Variants in LRFN5 observed in about 807,000 individuals in gnomAD.
LRFN5 encodes the protein leucine-rich repeat and fibronectin type-III domain-containing protein 5.
In LRFN5, 24 loss-of-function variants were observed where a neutral mutation model predicts 45.6. That is an observed-to-expected ratio of 0.53 (90% confidence interval 0.38 to 0.74). The LOEUF (loss-of-function observed/expected upper bound fraction) is 0.74, where lower values mean the gene tolerates loss of function less well. Ranked by LOEUF, LRFN5 falls within the 30% of genes least tolerant of loss-of-function variation. The pLI, the probability that LRFN5 is intolerant of heterozygous loss-of-function variation, is 0.00. For missense variants in LRFN5, 776 were observed against 861.5 expected, an observed-to-expected ratio of 0.90 and a Z score of 1.24; for synonymous variants, 340 against 313.8, an observed-to-expected ratio of 1.08 and a Z score of -0.88.
chr14:41,686,786 A>C (rs1882143462), intron 1 of LRFN5, among the ~76,000 whole-genome samples: 1 of 152,174 alleles, frequency 6.6e-6, no homozygotes, highest in Non-Finnish European at 1.5e-5. Flanking sequence ...ATGTTGAAGC[A>C]GTCTTGCATC....
intron 1 of LRFN5, among the ~76,000 whole-genome samples, chr14:41,652,001 T>A (rs943939800): frequency 3.9e-5 from 6 of 152,074 alleles, no homozygotes; most frequent in Non-Finnish European, 8.8e-5. Context: ...TTCTAGTGAC[T>A]TCATTTTAAA....
chr14:41,734,817 T>C (rs908842397), intron 1 of LRFN5, among the ~76,000 whole-genome samples: 4 of 152,006 alleles, frequency 2.6e-5, no homozygotes, highest in Non-Finnish European at 4.4e-5. Flanking sequence ...CTTTTGTGTA[T>C]CTAGTAAGGG....
intron 1 of LRFN5, among the ~76,000 whole-genome samples, chr14:41,734,315 T>C (rs1310714149): frequency 1.2e-5 from 1 of 84,394 alleles, no homozygotes; most frequent in East Asian, 4.0e-4. Context: ...CTGGACTGGT[T>C]TTATATATAT....
intron 1 of LRFN5, among the ~76,000 whole-genome samples, chr14:41,716,658 G>A (rs1883506860): frequency 6.6e-6 from 1 of 152,072 alleles, no homozygotes; most frequent in Non-Finnish European, 1.5e-5. Context: ...TTTGGGCAAA[G>A]CCATTCAACA....
rs555148652 is a variant in LRFN5, at chr14:41,748,036, C to T, written c.-196-18818C>T. 1.4e-4 allele frequency among the ~76,000 whole-genome samples: 22 copies of T among 152,010 alleles called. No individual in the cohort carries two copies. The East Asian group carries it at 3.9e-3, about 27-fold the overall frequency. ...AAGAAGACTTGGAGAAGATGTGAAG[C>T]GATTTAAACCTTTCTACGCTCTTGA... is the stretch of plus-strand genomic sequence containing the variant. On this transcript the variant is annotated intron_variant, in intron 1 of 5. Transcript: ENST00000298119.
chr14:41,671,617 G>GTTTTTTTTTTTTGTTTTTTTTTT (rs1881226105), intron 1 of LRFN5, among the ~76,000 whole-genome samples: 1 of 78,018 alleles, frequency 1.3e-5, no homozygotes, highest in African/African-American at 5.4e-5. Context: ...TTTTTTTTTC[G>GTTTTTTTTTTTTGTTTTTTTTTT]TTTTTTTTTT....
At chr14:41,762,334 A>G (rs1885706728) in intron 1 of LRFN5, among the ~76,000 whole-genome samples, 1 of 152,132 alleles carries the variant, frequency 6.6e-6, no homozygotes, top group Non-Finnish European at 1.5e-5. Flanking sequence ...CTCGTTTACA[A>G]TGTGACATTT....
In LRFN5 at chr14:41,647,526, A is replaced by G. The variant is rs192034075; in HGVS notation, c.-197+38964A>G. 1.8e-3 allele frequency among the ~76,000 whole-genome samples: 279 copies of G among 152,302 alleles called. 2 individuals are homozygous for G. The highest frequency in any genetic ancestry group is 6.3e-3 in the African/African-American group (260 of 41,572). ...TATGAAGAAGCCATGTAGAAGTACA[A>G]TCTACAAGCATTGGTAACTGAAGGG... On this transcript the variant is annotated intron_variant, in intron 1 of 5. Transcript: ENST00000298119.
intron 2 of LRFN5, among the ~76,000 whole-genome samples, chr14:41,794,771 T>G (rs1887058324): frequency 1.3e-5 from 2 of 151,994 alleles, no homozygotes; most frequent in South Asian, 4.1e-4. Flanking sequence ...AGTTCAGGAA[T>G]TTTTCTAGAA....
At chr14:41,616,312 A>G (rs981434544) in intron 1 of LRFN5, among the ~76,000 whole-genome samples, 2 of 152,144 alleles carry the variant, frequency 1.3e-5, no homozygotes, top group African/African-American at 4.8e-5. Flanking sequence ...CATTTAATGC[A>G]TACTTGGATT....
chr14:41,885,072 G>C (rs997768719), intron 2 of LRFN5, among the ~76,000 whole-genome samples: 2 of 151,648 alleles, frequency 1.3e-5, no homozygotes, highest in African/African-American at 2.4e-5. Flanking sequence ...GGCTGAGTAA[G>C]GTAGCTCATG....
chr14:41,647,219 A>T (rs986019658), intron 1 of LRFN5, among the ~76,000 whole-genome samples: 1 of 152,034 alleles, frequency 6.6e-6, no homozygotes, highest in African/African-American at 2.4e-5. Context: ...ATATTATAAA[A>T]TTTTTTCGAT....
At chr14:41,688,092 T>C (rs552957647) in intron 1 of LRFN5, among the ~76,000 whole-genome samples, 1 of 152,320 alleles carries the variant, frequency 6.6e-6, no homozygotes, top group East Asian at 1.9e-4. Context: ...ATTTCTTCAC[T>C]TATTTGTGAG....
chr14:41,787,626 G>A (rs1886772906), intron 2 of LRFN5, among the ~76,000 whole-genome samples: 1 of 150,996 alleles, frequency 6.6e-6, no homozygotes, highest in African/African-American at 2.4e-5. Flanking sequence ...TGCTGAACAT[G>A]GTATTATAAG....
At chr14:41,847,939 T>C (rs898412636) in intron 2 of LRFN5, among the ~76,000 whole-genome samples, 9 of 152,190 alleles carry the variant, frequency 5.9e-5, no homozygotes, top group African/African-American at 1.9e-4. Context: ...AAATAAAAGA[T>C]CAAATTTATA....
At chr14:41,840,004 A>G (rs1888804039) in intron 2 of LRFN5, among the ~76,000 whole-genome samples, 1 of 152,078 alleles carries the variant, frequency 6.6e-6, no homozygotes, top group South Asian at 2.1e-4. Context: ...GTTCATCCAT[A>G]TAACCCCAAT....
At chr14:41,812,339 T>C (rs17112290) in intron 2 of LRFN5, among the ~76,000 whole-genome samples, 21,709 of 151,874 alleles carry the variant, frequency 0.14, 1,639 homozygotes, top group East Asian at 0.22. Flanking sequence ...GAGTTTTTTT[T>C]AAAGACTAGC....
intron 1 of LRFN5, among the ~76,000 whole-genome samples, chr14:41,652,994 CT>C (rs1305411526): frequency 2.0e-5 from 3 of 152,090 alleles, no homozygotes; most frequent in African/African-American, 7.2e-5. Context: ...CCTTTGCCTA[CT>C]TTTTAATGAG....
chr14:41,728,547 G>T (rs1200451841), intron 1 of LRFN5, among the ~76,000 whole-genome samples: 2 of 152,140 alleles, frequency 1.3e-5, no homozygotes, highest in Non-Finnish European at 2.9e-5. Flanking sequence ...GAAAGATACT[G>T]CATAATCTTT....
Sources: gnomAD v4.1 joint callset for allele counts (sites outside exome capture counted in the v4.1 genomes callset) on GRCh38, gnomAD v4.1.1 for gene constraint, MANE v1.5 for transcripts, NCBI Gene and HGNC (gene_info 2026-07-23, HGNC 2026-07-21) for gene names.